The following GNAL variants were observed in gnomAD, a reference collection of about 807,000 sequenced individuals.
GNAL encodes the protein guanine nucleotide-binding protein G(olf) subunit alpha.
Under a neutral mutation model 55.1 loss-of-function variants are expected in GNAL, and 18 were observed. The observed-to-expected ratio is 0.33, with a 90% CI of 0.23 to 0.48. GNAL has a LOEUF of 0.48. Ranked by LOEUF, GNAL falls within the 20% of genes least tolerant of loss-of-function variation. GNAL has a pLI of 0.99. For missense variants in GNAL, 412 were observed against 614.1 expected (o/e 0.67, Z 3.48); for synonymous variants, 253 against 237.0 (o/e 1.07, Z -0.62).
At chr18:11,814,039 C>T (rs1183288178) in intron 4 of GNAL, among the ~76,000 whole-genome samples, 2 of 152,038 alleles carry the variant, frequency 1.3e-5, no homozygotes, top group Non-Finnish European at 2.9e-5. Flanking sequence ...TACCCAAAAA[C>T]TAATTTGCAT....
At chr18:11,702,859 T>C (rs1456115212) in intron 1 of GNAL, among the ~76,000 whole-genome samples, 3 of 150,334 alleles carry the variant, frequency 2.0e-5, no homozygotes, top group Admixed American at 6.6e-5. Context: ...GGCTCACTCC[T>C]GCAATCCCAA....
At chr18:11,879,302 G>A (rs1370897972) in intron 11 of GNAL, among the ~76,000 whole-genome samples, 8 of 151,826 alleles carry the variant, frequency 5.3e-5, no homozygotes, top group Admixed American at 2.6e-4. Flanking sequence ...TCCCAGGATC[G>A]AAAAAGGAGT....
In GNAL at chr18:11,753,046, G is replaced by GA. The variant is rs554017429; in HGVS notation, c.449+127dup. On this transcript the variant is annotated intron_variant, in intron 2 of 11. Transcript: ENST00000334049. ...GATAATGGAGTAGACATTCAAGGGG[G>GA]AAAAAATTAGATATTTGCTGTTGGA... The GA allele has an allele frequency of 5.2e-5, 30 of 580,284 alleles. No individual in the cohort carries two copies. In the East Asian group the frequency reaches 6.7e-4, roughly 13 times the overall value. The allele number at this position is 580,284 out of a possible 1,614,324, so 35.9% of individuals were successfully genotyped here. A position where few individuals can be genotyped will look rare whatever the true frequency, so the allele number is the denominator to read the frequency against.
intron 1 of GNAL, among the ~76,000 whole-genome samples, chr18:11,717,756 C>T (rs1331640013): frequency 6.6e-6 from 1 of 152,076 alleles, no homozygotes; most frequent in Non-Finnish European, 1.5e-5. Context: ...AACACATGGA[C>T]CCATAGAGGG....
At chr18:11,856,836 A>G (rs1320879263) in intron 5 of GNAL, among the ~76,000 whole-genome samples, 1 of 152,214 alleles carries the variant, frequency 6.6e-6, no homozygotes, top group African/African-American at 2.4e-5. Flanking sequence ...GGAGGCTGAG[A>G]CAGGAGACTC....
intron 10 of GNAL, among the ~76,000 whole-genome samples, chr18:11,874,837 A>AC (rs147567315): frequency 0.054 from 4,362 of 81,498 alleles, 158 homozygotes; most frequent in African/African-American, 0.17. Context: ...GCACCCACCC[A>AC]CCCCCCACAG....
chr18:11,689,973 G>T (rs1211603090), intron 1 of GNAL, 34 bp downstream of exon 1: 1 of 1,198,348 alleles, frequency 8.3e-7, no homozygotes, highest in Admixed American at 4.3e-5. Context: ...CTGACGCCCC[G>T]GGGACAGCGC....
intron 1 of GNAL, among the ~76,000 whole-genome samples, chr18:11,743,237 A>T (rs1489874348): frequency 6.6e-6 from 1 of 152,010 alleles, no homozygotes; most frequent in Non-Finnish European, 1.5e-5. Context: ...GGATTTACAC[A>T]GAATCAGGTG....
chr18:11,812,671 C>G (rs1186650752), intron 4 of GNAL, among the ~76,000 whole-genome samples: 1 of 151,966 alleles, frequency 6.6e-6, no homozygotes, highest in Non-Finnish European at 1.5e-5. Context: ...TGGTGAAACC[C>G]TGTCTCTACT....
intron 1 of GNAL, among the ~76,000 whole-genome samples, chr18:11,731,413 T>G (rs1818738577): frequency 6.6e-6 from 1 of 152,238 alleles, no homozygotes; most frequent in African/African-American, 2.4e-5. Flanking sequence ...CCTCCCAAAG[T>G]GCTGGGATTA....
In GNAL at chr18:11,851,805, G is replaced by A. The variant is rs376769842; in HGVS notation, c.723-10590G>A. On this transcript the variant is annotated intron_variant, in intron 5 of 11. Transcript: ENST00000334049. ...AGTCGATGGCTGGTGTGGTTAAGTC[G>A]ATGGATGCGACATTGAAGACCATGA... 137 of 1,613,940 alleles carry A rather than the reference G, an allele frequency of 8.5e-5. No individual in the cohort carries two copies. In the African/African-American group the frequency reaches 1.7e-3, roughly 19 times the overall value.
intron 5 of GNAL, chr18:11,851,482 G>T (rs2035864822): frequency 1.3e-6 from 2 of 1,507,218 alleles, no homozygotes; most frequent in African/African-American, 1.4e-5. Flanking sequence ...CTTCTCAGCC[G>T]GGCCGCCGAC....
chr18:11,777,230 C>T lies in GNAL; in HGVS notation c.624+23285C>T, dbSNP rs556633027. Among the ~76,000 whole-genome samples the T allele has an allele frequency of 4.6e-5, 7 of 152,210 alleles. No homozygotes were observed. In the East Asian group the frequency reaches 9.7e-4, roughly 21 times the overall value. ...AAGCTACATCTCTTTCTTCCAGGAC[C>T]GGTATCATTACTGCTCATGTGTCAG... On this transcript the variant is annotated intron_variant, in intron 4 of 11. Coordinates refer to ENST00000334049, the MANE Select transcript of GNAL (RefSeq NM_182978.4).
chr18:11,753,157 T>TG (rs1242241392), intron 2 of GNAL, among the ~76,000 whole-genome samples: 2 of 152,222 alleles, frequency 1.3e-5, no homozygotes, highest in African/African-American at 2.4e-5. Context: ...TAGGTATTCT[T>TG]GGAGTGTTGA....
At chr18:11,784,992 C>G (rs1448905564) in intron 4 of GNAL, among the ~76,000 whole-genome samples, 1 of 152,200 alleles carries the variant, frequency 6.6e-6, no homozygotes, top group African/African-American at 2.4e-5. Context: ...AGACAATTAG[C>G]ACAATGTTGT....
chr18:11,752,377 C>G lies in GNAL; in HGVS notation c.377-476C>G. The G allele has an allele frequency of 1.3e-6, 2 of 1,567,234 alleles. No individual in the cohort carries two copies. The highest frequency in any genetic ancestry group is 1.2e-5 in the South Asian group (1 of 85,632). The stretch of plus-strand genomic sequence containing the variant: ...GCAGGAGCCGCACACGTCTCCAACT[C>G]TCTATTGCTTTTTGCGCACATTCCT... On this transcript the variant is annotated intron_variant, in intron 1 of 11. Transcript: ENST00000334049. This position sits in a 1 kb window ranked among gnomAD's most constrained non-coding sequence, Gnocchi z 4.5.
In GNAL at chr18:11,751,754, C is replaced by A. The variant is rs1185015727; in HGVS notation, c.377-1099C>A. The A allele has an allele frequency of 4.3e-6, 3 of 701,636 alleles. No individual in the cohort carries two copies. The highest frequency in any genetic ancestry group is 6.3e-5 in the South Asian group (1 of 15,884). The allele number at this position is 701,636 out of a possible 1,614,324, so 43.5% of individuals were successfully genotyped here. ...CTCCGTGGGGGGTCAGCTCCCTGAC[C>A]CCTACAGCGCGGTAGCGCCTCTCCG... On this transcript the variant is annotated intron_variant, in intron 1 of 11. Transcript: ENST00000334049. This position sits in a 1 kb window ranked among gnomAD's most constrained non-coding sequence, Gnocchi z 4.5.
At chr18:11,742,457 T>C (rs950634679) in intron 1 of GNAL, among the ~76,000 whole-genome samples, 7 of 152,220 alleles carry the variant, frequency 4.6e-5, no homozygotes, top group Non-Finnish European at 5.9e-5. Context: ...ACCCATGCAC[T>C]GAGAAGGACA....
chr18:11,695,928 A>ACGCG (rs1341342971), intron 1 of GNAL, among the ~76,000 whole-genome samples: 5 of 151,132 alleles, frequency 3.3e-5, no homozygotes. Context: ...GCATGCACAC[A>ACGCG]CACACACACA....
Sources: allele counts gnomAD v4.1 joint callset (sites outside exome capture counted in the v4.1 genomes callset), GRCh38; gene constraint gnomAD v4.1.1; non-coding constraint Gnocchi (gnomAD v3.1); transcripts MANE v1.5; gene names NCBI Gene and HGNC (gene_info 2026-07-23, HGNC 2026-07-21).